SLC17A1: variants seen among roughly 807,000 people sequenced by gnomAD.
SLC17A1 encodes sodium-dependent phosphate transport protein 1.
A neutral mutation model predicts 53.5 loss-of-function variants in SLC17A1; 51 were observed. That is an observed-to-expected ratio of 0.95 (90% CI 0.76 to 1.20). The LOEUF (loss-of-function observed/expected upper bound fraction) is 1.20, where lower values mean the gene tolerates loss of function less well. Among genes scored for constraint, SLC17A1 ranks in the 50% most tolerant of loss-of-function variants. The pLI, the probability that SLC17A1 is intolerant of heterozygous loss-of-function variation, is 0.00. For synonymous variants in SLC17A1, 179 were observed against 198.8 expected (o/e 0.90, Z 0.84); for missense variants, 538 against 568.2 (o/e 0.95, Z 0.54).
At chr6:25,812,058 A>G (rs1326986981) in intron 8 of SLC17A1, among the ~76,000 whole-genome samples, 1 of 152,182 alleles carries the variant, frequency 6.6e-6, no homozygotes, top group Non-Finnish European at 1.5e-5. Flanking sequence ...GGAATAGGAA[A>G]TACCGGCCCT....
downstream of SLC17A1, chr6:25,777,992 T>G: frequency 6.2e-7 from 1 of 1,612,704 alleles, no homozygotes; most frequent in Admixed American, 1.7e-5. Context: ...TCTCTCCTAC[T>G]GCTGCTGGAT....
chr6:25,831,492 A>G (rs1293059818), intron 1 of SLC17A1, among the ~76,000 whole-genome samples: 1 of 152,186 alleles, frequency 6.6e-6, no homozygotes, highest in Non-Finnish European at 1.5e-5. Flanking sequence ...CAAACCACCC[A>G]TACGTATGCA....
At position 25,799,023 on chromosome 6, in the gene SLC17A1, A is replaced by C. The variant is rs1763673186; in HGVS notation, c.1270-104T>G. On this transcript the variant is annotated intron_variant, in intron 11 of 12. Coordinates refer to ENST00000244527, the MANE Select transcript of SLC17A1 (RefSeq NM_005074.5). ...AAAATGTAGACTCAAGTCACGTAACAAATATGGAAAAACATACTTATACAT... is the reference window on the plus strand; with the variant it reads ...AAAATGTAGACTCAAGTCACGTAACCAATATGGAAAAACATACTTATACAT... 1.2e-5 allele frequency: 13 copies of C among 1,076,476 alleles called. No homozygotes were observed. The South Asian group carries it at 2.8e-4, about 23-fold the overall frequency. 66.7% of individuals were successfully genotyped at this position (1,076,476 alleles called of 1,614,324 possible).
At chr6:25,769,978 T>A in the SLC17A1 span, 10 of 1,088,740 alleles carry the variant, frequency 9.2e-6, no homozygotes, top group Non-Finnish European at 1.4e-5. Flanking sequence ...GAAAGATAAC[T>A]GCCAATTAAT....
the SLC17A1 span, among the ~76,000 whole-genome samples, chr6:25,765,760 T>C: frequency 6.6e-6 from 1 of 152,054 alleles, no homozygotes; most frequent in East Asian, 1.9e-4. Context: ...AACTAGTTAA[T>C]TAAACATCCA....
intron 12 of SLC17A1, among the ~76,000 whole-genome samples, chr6:25,794,281 C>T (rs2151477343): frequency 6.6e-6 from 1 of 152,304 alleles, no homozygotes; most frequent in South Asian, 2.1e-4. Context: ...CTAGGATAGC[C>T]TCTTTCCTAT....
chr6:25,801,856 G>A (rs1490893066), intron 10 of SLC17A1, among the ~76,000 whole-genome samples: 2 of 152,176 alleles, frequency 1.3e-5, no homozygotes, highest in Non-Finnish European at 2.9e-5. Context: ...GTCCTTGAAC[G>A]TTAAGCTATA....
At chr6:25,724,274 G>A in the SLC17A1 span, among the ~76,000 whole-genome samples, 5 of 152,068 alleles carry the variant, frequency 3.3e-5, no homozygotes. Context: ...CAATACAAAA[G>A]TTAGCTGGGC....
the SLC17A1 span, chr6:25,732,639 G>A: frequency 4.0e-6 from 5 of 1,245,772 alleles, no homozygotes; most frequent in South Asian, 1.2e-5. Context: ...GGCGGGCAAC[G>A]CCGTCGGAAC....
At chr6:25,784,967 A>C (rs930149593) in intron 12 of SLC17A1, among the ~76,000 whole-genome samples, 1 of 152,206 alleles carries the variant, frequency 6.6e-6, no homozygotes, top group Admixed American at 6.5e-5. Context: ...AAACAGAAGT[A>C]AAACTATATC....
At chr6:25,761,965 G>A in the SLC17A1 span, 1 of 1,612,740 alleles carries the variant, frequency 6.2e-7, no homozygotes. Context: ...GAACCAAAAT[G>A]TCTACCGGAC....
intron 12 of SLC17A1, among the ~76,000 whole-genome samples, chr6:25,796,975 G>T (rs933221791): frequency 4.6e-5 from 7 of 152,122 alleles, no homozygotes; most frequent in African/African-American, 1.7e-4. Context: ...TAAGCTCTAG[G>T]TTTCTACCCA....
the SLC17A1 span, among the ~76,000 whole-genome samples, chr6:25,725,673 A>G: frequency 6.6e-5 from 10 of 152,054 alleles, no homozygotes; most frequent in African/African-American, 2.4e-4. Context: ...ATCTTCGTTC[A>G]CTGTAACTTT....
At chr6:25,796,804 G>C (rs934135646) in intron 12 of SLC17A1, among the ~76,000 whole-genome samples, 2 of 152,122 alleles carry the variant, frequency 1.3e-5, no homozygotes, top group Non-Finnish European at 2.9e-5. Context: ...TGCTCATAAT[G>C]ATAATTTTAC....
the SLC17A1 span, chr6:25,762,188 C>G: frequency 3.0e-6 from 2 of 677,278 alleles, no homozygotes; most frequent in Non-Finnish European, 2.5e-6. Flanking sequence ...CACCAATTGC[C>G]AATAATTCTA....
chr6:25,798,727 C>T, intron 12 of SLC17A1, 56 bp downstream of exon 12: 3 of 1,520,664 alleles, frequency 2.0e-6, no homozygotes, highest in East Asian at 4.6e-5. Context: ...TCCTTATCTC[C>T]TCTGTCTCCT....
At chr6:25,735,282 T>C in the SLC17A1 span, among the ~76,000 whole-genome samples, 1 of 152,170 alleles carries the variant, frequency 6.6e-6, no homozygotes, top group African/African-American at 2.4e-5. Context: ...ATAGGGAATG[T>C]AGGGGGATTA....
intron 3 of SLC17A1, among the ~76,000 whole-genome samples, chr6:25,821,024 AGAG>A (rs1764541786): frequency 1.3e-5 from 2 of 152,252 alleles, no homozygotes; most frequent in African/African-American, 2.4e-5. Context: ...TAATGGTAGT[AGAG>A]GAGGACAGGA....
chr6:25,725,976 C>T, the SLC17A1 span, among the ~76,000 whole-genome samples: 3 of 152,194 alleles, frequency 2.0e-5, no homozygotes, highest in East Asian at 3.9e-4. Context: ...TCCCGAAATG[C>T]GCTTAAACGG....
Sources: gnomAD v4.1 joint callset for allele counts (sites outside exome capture counted in the v4.1 genomes callset) on GRCh38, gnomAD v4.1.1 for gene constraint, MANE v1.5 for transcripts, NCBI Gene and HGNC (gene_info 2026-07-23, HGNC 2026-07-21) for gene names.